The following ZBTB20 variants were observed in gnomAD, a reference collection of about 807,000 sequenced individuals.
ZBTB20 encodes zinc finger and BTB domain-containing protein 20.
A neutral mutation model predicts 56.9 loss-of-function variants in ZBTB20; 9 were observed. That is an observed-to-expected ratio of 0.16 (90% CI 0.10 to 0.28). The LOEUF (loss-of-function observed/expected upper bound fraction) is 0.28, where lower values mean the gene tolerates loss of function less well. Among genes scored for constraint, ZBTB20 ranks in the 10% least tolerant of loss-of-function variants. The probability of loss-of-function intolerance (pLI) is 1.00; values close to 1 mark genes in which losing one functional copy is unlikely to be tolerated. For missense variants in ZBTB20, 655 were observed against 1,003.0 expected (o/e 0.65, Z 4.69); for synonymous variants, 417 against 420.7 (o/e 0.99, Z 0.11).
At chr3:114,899,963 A>C (rs1387629192) in intron 4 of ZBTB20, among the ~76,000 whole-genome samples, 1 of 152,176 alleles carries the variant, frequency 6.6e-6, no homozygotes, top group Non-Finnish European at 1.5e-5. Flanking sequence ...TTTAAATAAA[A>C]CAATAATGGC....
chr3:115,004,077 C>T (rs1395671077), intron 2 of ZBTB20, among the ~76,000 whole-genome samples: 1 of 151,608 alleles, frequency 6.6e-6, no homozygotes, highest in Non-Finnish European at 1.5e-5. Flanking sequence ...TTTCAAACCA[C>T]CTATTCTAGC....
intron 4 of ZBTB20, among the ~76,000 whole-genome samples, chr3:114,889,529 C>A (rs146577268): frequency 6.6e-6 from 1 of 151,982 alleles, no homozygotes; most frequent in African/African-American, 2.4e-5. Context: ...CCTATATAAT[C>A]AGGTAGAAAG....
chr3:114,655,301 G>GGACT (rs2060344905), intron 6 of ZBTB20, among the ~76,000 whole-genome samples: 1 of 132,732 alleles, frequency 7.5e-6, no homozygotes, highest in African/African-American at 2.9e-5. Context: ...GCCAGACTGC[G>GGACT]GACTGCAGTG....
chr3:114,582,027 A>C (rs1435758106), intron 6 of ZBTB20: 1 of 152,226 alleles, frequency 6.6e-6, no homozygotes, highest in Non-Finnish European at 1.5e-5. Context: ...CATACAGAAG[A>C]ATACATTTCA....
intron 5 of ZBTB20, among the ~76,000 whole-genome samples, chr3:114,754,521 C>T (rs2067852431): frequency 6.6e-6 from 1 of 152,080 alleles, no homozygotes; most frequent in Non-Finnish European, 1.5e-5. Context: ...TGATATAATA[C>T]CATATGGAAC....
intron 6 of ZBTB20, among the ~76,000 whole-genome samples, chr3:114,649,755 TA>T (rs2060032318): frequency 6.6e-6 from 1 of 152,010 alleles, no homozygotes; most frequent in African/African-American, 2.4e-5. Context: ...CACATTCCTT[TA>T]AATTTACACT....
At chr3:114,997,398 A>G (rs976018478) in intron 2 of ZBTB20, among the ~76,000 whole-genome samples, 2 of 151,830 alleles carry the variant, frequency 1.3e-5, no homozygotes, top group African/African-American at 4.8e-5. Context: ...TGGTATGTGT[A>G]AAACAAATTT....
At chr3:114,545,152 T>C (rs1017417901) in intron 6 of ZBTB20, among the ~76,000 whole-genome samples, 1 of 152,180 alleles carries the variant, frequency 6.6e-6, no homozygotes, top group Non-Finnish European at 1.5e-5. Flanking sequence ...TTCTGGGTAG[T>C]CTAGTCAAAA....
chr3:114,751,573 C>G (rs1014511062), intron 5 of ZBTB20, among the ~76,000 whole-genome samples: 19 of 152,084 alleles, frequency 1.2e-4, no homozygotes, highest in African/African-American at 4.6e-4. Context: ...CTGAAAATAC[C>G]CTCTTTAGGT....
intron 3 of ZBTB20, among the ~76,000 whole-genome samples, chr3:114,917,256 T>C (rs931457257): frequency 6.6e-6 from 1 of 152,212 alleles, no homozygotes; most frequent in African/African-American, 2.4e-5. Context: ...ATTTGTCTGA[T>C]AGGATTCTGA....
chr3:114,788,177 G>A (rs929783310), intron 5 of ZBTB20, among the ~76,000 whole-genome samples: 2 of 151,932 alleles, frequency 1.3e-5, no homozygotes, highest in East Asian at 3.8e-4. Flanking sequence ...AGTTTTCAAA[G>A]GTACATTTTT....
At chr3:115,063,076 T>A (rs372270974) in intron 2 of ZBTB20, among the ~76,000 whole-genome samples, 1 of 152,268 alleles carries the variant, frequency 6.6e-6, no homozygotes, top group East Asian at 1.9e-4. Context: ...ACTTTTAGAT[T>A]CTTCATCATT....
intron 7 of ZBTB20, among the ~76,000 whole-genome samples, chr3:114,389,846 A>T (rs1434244639): frequency 7.8e-6 from 1 of 128,314 alleles, no homozygotes; most frequent in Non-Finnish European, 1.6e-5. Context: ...CCGAGATTGC[A>T]CCACTGCACT....
At chr3:114,847,129 T>G (rs2074744972) in intron 4 of ZBTB20, among the ~76,000 whole-genome samples, 1 of 152,210 alleles carries the variant, frequency 6.6e-6, no homozygotes, top group Admixed American at 6.5e-5. Context: ...TCATCATGTG[T>G]GAGCCATGAT....
chr3:114,387,422 GGGCCCATGAGAAGTAAAAGCA>G (rs2085278518), intron 8 of ZBTB20: 1 of 152,064 alleles, frequency 6.6e-6, no homozygotes, highest in East Asian at 1.9e-4. Context: ...CCATTCTCTA[GGGCCCATGAGAAGTAAAAGCA>G]GGCACTGGCA....
chr3:114,658,958 GTCT>G (rs1162953023), intron 6 of ZBTB20: 1 of 152,134 alleles, frequency 6.6e-6, no homozygotes, highest in Non-Finnish European at 1.5e-5. Flanking sequence ...GCAACACAAG[GTCT>G]TCTGGTTACA....
chr3:114,827,465 C>A (rs535661946), intron 4 of ZBTB20, among the ~76,000 whole-genome samples: 2 of 151,778 alleles, frequency 1.3e-5, no homozygotes, highest in South Asian at 4.2e-4. Flanking sequence ...TATTTTAACA[C>A]GGTAGGCTGA....
intron 5 of ZBTB20, among the ~76,000 whole-genome samples, chr3:114,799,144 T>A (rs1392175823): frequency 6.6e-6 from 1 of 151,908 alleles, no homozygotes; most frequent in Non-Finnish European, 1.5e-5. Flanking sequence ...GACCCAATAC[T>A]TATTGTACCA....
chr3:115,111,039 AAT>A (rs2083866526), intron 1 of ZBTB20, among the ~76,000 whole-genome samples: 1 of 149,644 alleles, frequency 6.7e-6, no homozygotes, highest in African/African-American at 2.4e-5. Flanking sequence ...TAAATAAATA[AAT>A]AAATAAAAAT....
Sources: gnomAD v4.1 joint callset for allele counts (sites outside exome capture counted in the v4.1 genomes callset) on GRCh38, gnomAD v4.1.1 for gene constraint, MANE v1.5 for transcripts, NCBI Gene and HGNC (gene_info 2026-07-23, HGNC 2026-07-21) for gene names.